ATP13A4: variants seen among roughly 807,000 people sequenced by gnomAD.
The protein encoded by ATP13A4 is ATPase 13A4, also known as probable cation-transporting ATPase 13A4.
A neutral mutation model predicts 142.5 loss-of-function variants in ATP13A4; 114 were observed. That is an observed-to-expected ratio of 0.80 (90% CI 0.69 to 0.93). The LOEUF is 0.93. Among genes scored for constraint, ATP13A4 ranks in the 40% least tolerant of loss-of-function variants. The pLI, the probability that ATP13A4 is intolerant of heterozygous loss-of-function variation, is 0.00. For synonymous variants in ATP13A4, 488 were observed against 514.8 expected (o/e 0.95, Z 0.70); for missense variants, 1,392 against 1,454.0 (o/e 0.96, Z 0.69).
chr3:193,536,283 T>C (rs1237036611), intron 1 of ATP13A4, among the ~76,000 whole-genome samples: 2 of 152,068 alleles, frequency 1.3e-5, no homozygotes, highest in Admixed American at 6.6e-5. Context: ...AAAACACTTA[T>C]AAGCCATTAT....
chr3:193,405,927 G>C (rs548275973), intron 29 of ATP13A4, among the ~76,000 whole-genome samples: 5 of 152,080 alleles, frequency 3.3e-5, no homozygotes, highest in Non-Finnish European at 5.9e-5. Context: ...CCCCTCTAAA[G>C]GGCAAAGACC....
At chr3:193,558,076 A>G (rs138555415), upstream of ATP13A4, among the ~76,000 whole-genome samples, 55 of 152,262 alleles carry the variant, frequency 3.6e-4, no homozygotes, top group South Asian at 2.9e-3. Flanking sequence ...TGACAATAAC[A>G]TGGAAGGCAA....
intron 29 of ATP13A4, among the ~76,000 whole-genome samples, chr3:193,406,579 G>A (rs1205295627): frequency 2.0e-5 from 3 of 152,240 alleles, no homozygotes; most frequent in East Asian, 1.9e-4. Flanking sequence ...GAAAGCAGGA[G>A]CACAAGCTCA....
chr3:193,537,358 G>T (rs1722642979), intron 1 of ATP13A4, among the ~76,000 whole-genome samples: 2 of 151,932 alleles, frequency 1.3e-5, no homozygotes. Context: ...TCAACAAATG[G>T]CCATCAAGTA....
intron 1 of ATP13A4, among the ~76,000 whole-genome samples, chr3:193,517,630 G>A (rs913187907): frequency 2.0e-5 from 3 of 152,060 alleles, no homozygotes; most frequent in African/African-American, 4.8e-5. Flanking sequence ...ACAGGCGCCC[G>A]CCACCACGCC....
chr3:193,410,565 A>T (rs908320462), intron 28 of ATP13A4, among the ~76,000 whole-genome samples: 11 of 152,006 alleles, frequency 7.2e-5, no homozygotes, highest in Admixed American at 3.3e-4. Flanking sequence ...TTTTTTTTTA[A>T]AAAATTAGCT....
intron 2 of ATP13A4, among the ~76,000 whole-genome samples, chr3:193,563,270 AG>A (rs1177129811): frequency 3.9e-5 from 6 of 152,172 alleles, no homozygotes; most frequent in Non-Finnish European, 7.4e-5. Context: ...TCAGCCCATC[AG>A]GACAAGGGAA....
At chr3:193,566,680 T>C (rs1320264125) in intron 2 of ATP13A4, among the ~76,000 whole-genome samples, 1 of 152,188 alleles carries the variant, frequency 6.6e-6, no homozygotes, top group Non-Finnish European at 1.5e-5. Flanking sequence ...ACTACATTCC[T>C]CACCCCTTTC....
At chr3:193,502,743 G>A (rs888778411) in intron 2 of ATP13A4, 104 bp from the exon 3 acceptor site, 125 of 1,233,600 alleles carry the variant, frequency 1.0e-4, no homozygotes, top group Middle Eastern at 8.0e-4. Context: ...AGTGTTTGGC[G>A]TTAGTGAATA....
chr3:193,459,015 T>G, intron 14 of ATP13A4, 66 bp downstream of exon 14: 1 of 1,592,466 alleles, frequency 6.3e-7, no homozygotes, highest in Non-Finnish European at 8.6e-7. Context: ...TAGATAGCTC[T>G]GATATTGCCT....
chr3:193,479,145 A>T (rs931200996), intron 8 of ATP13A4, among the ~76,000 whole-genome samples: 2 of 152,216 alleles, frequency 1.3e-5, no homozygotes, highest in Non-Finnish European at 2.9e-5. Flanking sequence ...CCTATGACAA[A>T]TCCACAGCTA....
intron 1 of ATP13A4, among the ~76,000 whole-genome samples, chr3:193,583,175 G>A (rs1159734043): frequency 6.6e-5 from 10 of 151,518 alleles, no homozygotes; most frequent in Non-Finnish European, 1.2e-4. Context: ...GCTCAAGCCT[G>A]TAATCCCAGC....
At chr3:193,574,754 G>A (rs1054430860) in intron 2 of ATP13A4, among the ~76,000 whole-genome samples, 3 of 152,136 alleles carry the variant, frequency 2.0e-5, no homozygotes, top group African/African-American at 7.2e-5. Context: ...TCAAGCCTGA[G>A]TCTGATTCTG....
chr3:193,499,418 T>C (rs769924148), intron 3 of ATP13A4, among the ~76,000 whole-genome samples: 16 of 152,238 alleles, frequency 1.1e-4, no homozygotes, highest in Non-Finnish European at 2.4e-4. Flanking sequence ...TAGAGCAGGA[T>C]TGTAATCACA....
chr3:193,493,120 T>A lies in ATP13A4; in HGVS notation c.422A>T (p.Asn141Ile). 1 of 1,613,340 alleles carries A rather than the reference T, an allele frequency of 6.2e-7. No homozygotes were observed. Among genetic ancestry groups the A allele is most frequent in the Admixed American group, 1.7e-5 (1 of 60,014 alleles). Residue 141 changes from asparagine to isoleucine, a missense_variant, in exon 4 of 30, where the codon AAC (asparagine) becomes ATC (isoleucine). Coordinates refer to ENST00000342695, the MANE Select transcript of ATP13A4 (RefSeq NM_032279.4). Reference sequence around the variant, plus strand: ...TTTCTGGAACTGTCCTTCTAAGTAGTTCCAAACATATCTTATTTTCTGCAC... The same window carrying A: ...TTTCTGGAACTGTCCTTCTAAGTAGATCCAAACATATCTTATTTTCTGCAC... The part of the protein sequence containing the change: ...IKVQKIRYVW[N>I]YLEGQFQKIG...
In ATP13A4 at chr3:193,576,249, CTTTTTTTTTTTT is replaced by C. The variant is rs59910562; in HGVS notation, n.291+5446_291+5457del. 4.8e-4 allele frequency among the ~76,000 whole-genome samples: 26 copies of C among 54,400 alleles called. No individual in the cohort carries two copies. In the East Asian group the frequency reaches 5.0e-3, roughly 10 times the overall value. 35.7% of individuals were successfully genotyped at this position (54,400 alleles called of 152,430 possible). The stretch of plus-strand genomic sequence containing the variant: ...TCCATGGAATGTGGCTTGAATCAAT[CTTTTTTTTTTTT>C]TTTTTTTTTTTTTTTTTTTTTGAGA... On this transcript the variant is annotated intron_variant and non_coding_transcript_variant, in intron 2 of 3. Coordinates refer to the ATP13A4 transcript ENST00000489140.
At chr3:193,463,450 G>A (rs1216917078) in intron 12 of ATP13A4, among the ~76,000 whole-genome samples, 1 of 146,624 alleles carries the variant, frequency 6.8e-6, no homozygotes, top group Non-Finnish European at 1.5e-5. Context: ...AAAAAAAAAG[G>A]TGGTGGTATT....
chr3:193,458,794 G>A (rs972399750), intron 14 of ATP13A4: 13 of 597,298 alleles, frequency 2.2e-5, no homozygotes, highest in Non-Finnish European at 3.6e-5. Context: ...TGCATAATAA[G>A]TACAATTATA....
At chr3:193,573,272 TATACATATATATATATAC>T (rs1724311797) in intron 2 of ATP13A4, among the ~76,000 whole-genome samples, 1 of 94,516 alleles carries the variant, frequency 1.1e-5, no homozygotes, top group African/African-American at 5.1e-5. Flanking sequence ...TATATATATA[TATACATATATATATATAC>T]ACATATATAT....
Sources: gnomAD v4.1 joint callset for allele counts (sites outside exome capture counted in the v4.1 genomes callset) on GRCh38, gnomAD v4.1.1 for gene constraint, MANE v1.5 for transcripts, NCBI Gene and HGNC (gene_info 2026-07-23, HGNC 2026-07-21) for gene names.